The following EEA1 variants were observed in gnomAD, a reference collection of about 807,000 sequenced individuals.
EEA1 encodes early endosome antigen 1, 162kD.
A neutral mutation model predicts 209.2 loss-of-function variants in EEA1; 111 were observed. The ratio of observed to expected loss-of-function variants is 0.53; its 90% confidence interval spans 0.45 to 0.62. The LOEUF is 0.62. Among genes scored for constraint, EEA1 ranks in the 20% least tolerant of loss-of-function variants. The pLI is 0.00. For missense variants in EEA1, 1,343 were observed against 1,530.8 expected, an observed-to-expected ratio of 0.88 and a Z score of 2.05; for synonymous variants, 536 against 540.6, an observed-to-expected ratio of 0.99 and a Z score of 0.12.
In EEA1 at chr12:92,802,722, T is replaced by C. The variant is rs752553246; in HGVS notation, c.2352A>G (p.Thr784=). The C allele has an allele frequency of 3.2e-6, 5 of 1,577,438 alleles. No homozygotes were observed. The highest frequency in any genetic ancestry group is 2.0e-5 in the Admixed American group (1 of 49,380). ...CAGATTTTTTCTGTAGATCCAATCT[T>C]GTACTGGATACTCTAAATATTTAAA... ...LEMEKEIVSS[T]RLDLQKKSEA... The change falls in exon 19 of 29, where the codon ACA becomes ACG. Residue 784 remains threonine (T), a synonymous_variant. Transcript: ENST00000322349.
intron 20 of EEA1, among the ~76,000 whole-genome samples, chr12:92,799,751 C>A (rs1874819979): frequency 6.6e-6 from 1 of 151,896 alleles, no homozygotes; most frequent in Non-Finnish European, 1.5e-5. Flanking sequence ...CGTGCCACTG[C>A]ACTCCAGCCT....
intron 2 of EEA1, among the ~76,000 whole-genome samples, chr12:92,879,768 C>T (rs1879059318): frequency 6.6e-6 from 1 of 152,222 alleles, no homozygotes; most frequent in Non-Finnish European, 1.5e-5. Context: ...GCTGCCTTGA[C>T]ATCTGGTGAA....
chr12:92,895,801 A>G (rs1184080447), intron 1 of EEA1, among the ~76,000 whole-genome samples: 3 of 152,182 alleles, frequency 2.0e-5, no homozygotes, highest in African/African-American at 7.2e-5. Context: ...GTGATTAAGA[A>G]CATTTGTGAT....
intron 2 of EEA1, among the ~76,000 whole-genome samples, chr12:92,872,877 C>T (rs1021211679): frequency 2.0e-5 from 3 of 151,986 alleles, no homozygotes; most frequent in Non-Finnish European, 4.4e-5. Flanking sequence ...GGCTTGAACC[C>T]GGGAGGGGGG....
chr12:92,804,237 T>C (rs1187388472), intron 18 of EEA1, among the ~76,000 whole-genome samples: 1 of 152,138 alleles, frequency 6.6e-6, no homozygotes, highest in Non-Finnish European at 1.5e-5. Context: ...TTTCAAAAGT[T>C]TGAATTTTAC....
At chr12:92,820,092 C>T (rs1384949256) in intron 13 of EEA1, among the ~76,000 whole-genome samples, 1 of 152,144 alleles carries the variant, frequency 6.6e-6, no homozygotes, top group African/African-American at 2.4e-5. Context: ...TGCCTCACTC[C>T]AACCACCCCC....
In EEA1 at chr12:92,929,158, G is replaced by A. The variant is rs1159933612; in HGVS notation, c.-92C>T. 9.9e-6 allele frequency: 13 copies of A among 1,319,476 alleles called. No individual in the cohort carries two copies. Among genetic ancestry groups the A allele is most frequent in the Non-Finnish European group, 1.0e-6 (1 of 956,378 alleles). 81.7% of individuals were successfully genotyped at this position (1,319,476 alleles called of 1,614,324 possible). On this transcript the variant is annotated 5_prime_UTR_variant, in exon 1 of 29. Coordinates refer to ENST00000322349, the MANE Select transcript of EEA1 (RefSeq NM_003566.4). ...GGGGTGCGCGGGCGGGAGGGACTGGGCCGGGAGGGGACCGGGAAGGAGGTC... is the reference window on the plus strand; with the variant it reads ...GGGGTGCGCGGGCGGGAGGGACTGGACCGGGAGGGGACCGGGAAGGAGGTC...
chr12:92,888,638 A>T (rs1476244979), intron 2 of EEA1, among the ~76,000 whole-genome samples: 1 of 152,098 alleles, frequency 6.6e-6, no homozygotes, highest in African/African-American at 2.4e-5. Flanking sequence ...GGAAGGCTGA[A>T]GATGCAATAA....
intron 8 of EEA1, among the ~76,000 whole-genome samples, chr12:92,851,947 A>G (rs1877649248): frequency 6.6e-6 from 1 of 152,142 alleles, no homozygotes; most frequent in Admixed American, 6.5e-5. Flanking sequence ...GATGATATTT[A>G]GATAGAAACA....
In EEA1 at chr12:92,798,845, A is replaced by G. The variant is rs190709963; in HGVS notation, c.2967+47T>C. 6.5e-4 allele frequency: 931 copies of G among 1,423,508 alleles called. 8 individuals are homozygous for G. In the African/African-American group the frequency reaches 0.012, roughly 18 times the overall value. The allele number at this position is 1,423,508 out of a possible 1,614,324, so 88.2% of individuals were successfully genotyped here. On this transcript the variant is annotated intron_variant, in intron 21 of 28. Coordinates refer to ENST00000322349, the MANE Select transcript of EEA1 (RefSeq NM_003566.4). ...TATTAATCATCATACTATTTTCTTAATTGCCAAGTTTTTCTTCCTATAAAA... is the reference window on the plus strand; with the variant it reads ...TATTAATCATCATACTATTTTCTTAGTTGCCAAGTTTTTCTTCCTATAAAA...
chr12:92,797,808 T>C (rs933107111), intron 21 of EEA1, among the ~76,000 whole-genome samples: 28 of 152,216 alleles, frequency 1.8e-4, no homozygotes, highest in Non-Finnish European at 1.6e-4. Context: ...AAAGAACTAC[T>C]ATTTTGTAAA....
At chr12:92,884,872 C>T (rs547824110) in intron 2 of EEA1, among the ~76,000 whole-genome samples, 2 of 151,756 alleles carry the variant, frequency 1.3e-5, no homozygotes, top group East Asian at 3.9e-4. Flanking sequence ...AACTCGAGGA[C>T]TGTATTTGTG....
rs182475996 is a variant in EEA1, at chr12:92,891,781, C to T, written c.25-60G>A. ...AAGCAGACATTAACAATATATTCAT[C>T]GGCCATTTAATAATCTAAACCTTTT... On this transcript the variant is annotated intron_variant, in intron 1 of 28. Coordinates refer to ENST00000322349, the MANE Select transcript of EEA1 (RefSeq NM_003566.4). 46 of 1,214,324 alleles carry T rather than the reference C, an allele frequency of 3.8e-5. No homozygotes were observed. In the Admixed American group the frequency reaches 5.0e-4, roughly 13 times the overall value. 75.2% of individuals were successfully genotyped at this position (1,214,324 alleles called of 1,614,324 possible). A position where few individuals can be genotyped will look rare whatever the true frequency, so the allele number is the denominator to read the frequency against.
chr12:92,852,234 G>A lies in EEA1; in HGVS notation c.583C>T (p.Arg195Cys), dbSNP rs544139795. The A allele has an allele frequency of 1.4e-4, 219 of 1,600,610 alleles. 1 individual carries two copies. Among genetic ancestry groups the A allele is most frequent in the South Asian group, 1.1e-3 (98 of 88,668 alleles). ...TCTTTGTTTAATTCTTCTGTCAGAC[G>A]TGTCACTTTTTGTTCAGCAGCTTCT... ...LREAAEQKVT[R>C]LTEELNKEAT... Residue 195 changes from arginine (R) to cysteine (C), a missense_variant, in exon 8 of 29, where the codon CGT becomes TGT. By Grantham distance (180) the Arg-to-Cys change is radical. Coordinates refer to ENST00000322349, the MANE Select transcript of EEA1 (RefSeq NM_003566.4).
At chr12:92,875,097 A>T (rs1878825450) in intron 2 of EEA1, among the ~76,000 whole-genome samples, 1 of 152,174 alleles carries the variant, frequency 6.6e-6, no homozygotes, top group African/African-American at 2.4e-5. Context: ...TACAATGATA[A>T]ATAAGACAAG....
intron 10 of EEA1, among the ~76,000 whole-genome samples, chr12:92,839,312 C>T (rs1039662092): frequency 6.6e-5 from 10 of 152,202 alleles, no homozygotes; most frequent in Non-Finnish European, 1.3e-4. Context: ...TTTAATGTTA[C>T]AGTGTACAAA....
At chr12:92,811,847 T>C (rs1875527640) in intron 16 of EEA1, among the ~76,000 whole-genome samples, 1 of 151,504 alleles carries the variant, frequency 6.6e-6, no homozygotes, top group South Asian at 2.1e-4. Flanking sequence ...TCATTTGGAA[T>C]ATCCAGTTGC....
rs116258507 is a variant in EEA1, at chr12:92,858,724, C to T, written c.246-1239G>A. On this transcript the variant is annotated intron_variant, in intron 3 of 28. Transcript: ENST00000322349. ...ATCTGTTTGGCATGATGAAGAGGTT[C>T]GTCTTGGTGAGATGAGGGATGCCCT... 2,031 of 740,266 alleles carry T rather than the reference C, an allele frequency of 2.7e-3. 35 individuals carry two copies. The African/African-American group carries it at 0.028, about 10-fold the overall frequency. The allele number at this position is 740,266 out of a possible 1,614,324, so 45.9% of individuals were successfully genotyped here.
chr12:92,913,859 C>CCCTGGGCAACA (rs1880668219), intron 1 of EEA1, among the ~76,000 whole-genome samples: 1 of 152,174 alleles, frequency 6.6e-6, no homozygotes, highest in Non-Finnish European at 1.5e-5. Flanking sequence ...CATGGTTTCA[C>CCCTGGGCAACA]TATGTTGGCC....
Sources: gnomAD v4.1 joint callset for allele counts (sites outside exome capture counted in the v4.1 genomes callset) on GRCh38, gnomAD v4.1.1 for gene constraint, MANE v1.5 for transcripts, NCBI Gene and HGNC (gene_info 2026-07-23, HGNC 2026-07-21) for gene names.